The following PLEKHG5 variants were observed in gnomAD, a reference collection of about 807,000 sequenced individuals.
PLEKHG5 encodes the protein pleckstrin homology and RhoGEF domain containing G5.
Under a neutral mutation model 103.8 loss-of-function variants are expected in PLEKHG5, and 52 were observed. That is an observed-to-expected ratio of 0.50 (90% confidence interval 0.40 to 0.63). The LOEUF (loss-of-function observed/expected upper bound fraction) is 0.63, where lower values mean the gene tolerates loss of function less well. Ranked by LOEUF, PLEKHG5 falls within the 30% of genes least tolerant of loss-of-function variation. PLEKHG5 has a pLI of 0.00. For missense variants in PLEKHG5, 1,205 were observed against 1,347.6 expected, an observed-to-expected ratio of 0.89 and a Z score of 1.66; for synonymous variants, 592 against 575.5, an observed-to-expected ratio of 1.03 and a Z score of -0.41.
chr1:6,497,391 A>G, upstream of PLEKHG5: 1 of 1,050,228 alleles, frequency 9.5e-7, no homozygotes, highest in South Asian at 4.6e-5. This position sits in a 1 kb window ranked among gnomAD's most constrained non-coding sequence, Gnocchi z 6.1. Flanking sequence ...GGGGACTGGG[A>G]GGCCGCAGAG....
chr1:6,475,844 G>T, intron 3 of PLEKHG5, 87 bp downstream of exon 3: 1 of 1,117,858 alleles, frequency 8.9e-7, no homozygotes, highest in Admixed American at 1.7e-5. Flanking sequence ...TGAGGAAGGC[G>T]CCAGAGCATC....
At position 6,468,485 on chromosome 1, in the gene PLEKHG5, G is replaced by A. The variant is rs1264365732; in HGVS notation, c.2351C>T (p.Ser784Phe). 1.2e-6 allele frequency: 2 copies of A among 1,613,152 alleles called. No individual in the cohort carries two copies. Among genetic ancestry groups the A allele is most frequent in the Non-Finnish European group, 1.7e-6 (2 of 1,179,972 alleles). The stretch of plus-strand genomic sequence containing the variant: ...AGTGGTGCTGAGAGAGGTCTCATCA[G>A]ACTGGGAGCTGAAAGGACCGCTGTC... ...EFDSGPFSSQ[S>F]DETSLSTTAS... Residue 784 changes from serine to phenylalanine, a missense_variant, in exon 20 of 21, where the codon TCT becomes TTT. Transcript: ENST00000377728.
At chr1:6,513,056 C>G (rs1570007754) in intron 1 of PLEKHG5, among the ~76,000 whole-genome samples, 2 of 152,338 alleles carry the variant, frequency 1.3e-5, no homozygotes, top group South Asian at 4.1e-4. Flanking sequence ...CCCCGCCCAC[C>G]CACTGTTCCT....
chr1:6,477,795 C>T, intron 1 of PLEKHG5, 137 bp from the exon 2 acceptor site: 1 of 774,140 alleles, frequency 1.3e-6, no homozygotes. Flanking sequence ...CCCAGCAGTC[C>T]CCCCTCTCCC....
At chr1:6,472,057 G>A (rs967187726) in intron 10 of PLEKHG5, among the ~76,000 whole-genome samples, 4 of 152,240 alleles carry the variant, frequency 2.6e-5, no homozygotes, top group African/African-American at 9.6e-5. Context: ...AAGCTCGGGG[G>A]AGACTGGCTT....
intron 1 of PLEKHG5, among the ~76,000 whole-genome samples, chr1:6,515,364 A>G (rs569805686): frequency 5.3e-4 from 81 of 151,946 alleles, no homozygotes; most frequent in African/African-American, 1.9e-3. Flanking sequence ...CGTCTCTACT[A>G]CAAATACCAA....
At chr1:6,475,194 GCCCTCCTCCCCA>G (rs1450275525) in intron 4 of PLEKHG5, 56 bp from the exon 5 acceptor site, 21 of 650,348 alleles carry the variant, frequency 3.2e-5, no homozygotes, top group South Asian at 2.8e-4. Context: ...CCTCATTCCC[GCCCTCCTCCCCA>G]CCCTCCTTCC....
chr1:6,485,328 C>A, intron 1 of PLEKHG5: 2 of 1,425,620 alleles, frequency 1.4e-6, no homozygotes, highest in South Asian at 1.4e-5. Context: ...CCGTACCTGG[C>A]TATCACCGTC....
At chr1:6,477,011 G>A (rs1644781038) in intron 2 of PLEKHG5, among the ~76,000 whole-genome samples, 1 of 152,154 alleles carries the variant, frequency 6.6e-6, no homozygotes, top group Non-Finnish European at 1.5e-5. Context: ...AGGACTCGGG[G>A]GTTGGCATTT....
At chr1:6,518,500 T>C (rs907773480) in intron 1 of PLEKHG5, among the ~76,000 whole-genome samples, 3 of 143,694 alleles carry the variant, frequency 2.1e-5, no homozygotes, top group African/African-American at 7.8e-5. Context: ...GCGGAGCTTG[T>C]GGTGAGCCAT....
intron 1 of PLEKHG5, among the ~76,000 whole-genome samples, chr1:6,518,052 C>T (rs12140312): frequency 0.94 from 142,976 of 151,680 alleles, 67,937 homozygotes; most frequent in Non-Finnish European, 1. Context: ...CCTGCCTCAG[C>T]CTCCCGAGTA....
chr1:6,496,141 G>C (rs1645220348), upstream of PLEKHG5, among the ~76,000 whole-genome samples: 1 of 152,240 alleles, frequency 6.6e-6, no homozygotes, highest in African/African-American at 2.4e-5. Context: ...CACTGGACCA[G>C]CACCGTGGGA....
Position 6,474,063 on chromosome 1 carries a change from C to CG in PLEKHG5, c.540dup (p.Ala181ArgfsTer117). ...CTCTGGGCGTCCACACGCTCCAGGG[C>CG]GGGGGGCCCGGTCCCAGCTGGCCGC... On this transcript the variant is annotated frameshift_variant, in exon 7 of 21. Transcript: ENST00000377728. LOFTEE classifies it high-confidence loss of function. 6.2e-7 allele frequency: 1 copy of CG among 1,610,210 alleles called. No homozygotes were observed. Among genetic ancestry groups the CG allele is most frequent in the East Asian group, 2.2e-5 (1 of 44,708 alleles).
At chr1:6,497,224 C>A (rs1374767420), upstream of PLEKHG5, 15 of 868,054 alleles carry the variant, frequency 1.7e-5, no homozygotes, top group African/African-American at 2.3e-4. The surrounding 1 kb of genome is among the most constrained non-coding windows in gnomAD (Gnocchi z 6.1). Flanking sequence ...GCGCCCACCC[C>A]CTTGCCTGGA....
rs1645045728 is a variant in PLEKHG5, at chr1:6,486,691, G to A, written c.-88+4946C>T. On this transcript the variant is annotated intron_variant, in intron 1 of 20. Coordinates refer to ENST00000377728, the MANE Select transcript of PLEKHG5 (RefSeq NM_020631.6). This position sits in a 1 kb window ranked among gnomAD's most constrained non-coding sequence, Gnocchi z 5.3. Reference sequence around the variant, plus strand: ...AGAGGACGCAAACGCCCAGACTCTGGTGCTGGAGTCACCACTACACGGCTG... The same window carrying A: ...AGAGGACGCAAACGCCCAGACTCTGATGCTGGAGTCACCACTACACGGCTG... Among the ~76,000 whole-genome samples the A allele has an allele frequency of 6.6e-6, 1 of 152,220 alleles. No homozygotes were observed. The highest frequency in any genetic ancestry group is 2.1e-4 in the South Asian group (1 of 4,828).
chr1:6,469,395 C>T lies in PLEKHG5; in HGVS notation c.1989G>A (p.Thr663=), dbSNP rs775819026. The T allele has an allele frequency of 2.2e-5, 35 of 1,614,028 alleles. No homozygotes were observed. Among genetic ancestry groups the T allele is most frequent in the African/African-American group, 5.3e-5 (4 of 74,924 alleles). The change falls in exon 18 of 21, where the codon ACG becomes ACA. Residue 663 remains threonine (T), a synonymous_variant. Coordinates refer to ENST00000377728, the MANE Select transcript of PLEKHG5 (RefSeq NM_020631.6). The stretch of plus-strand genomic sequence containing the variant: ...ACAAGGCCTGGCCACTGGCCTGGAA[C>T]GTGTAGGCCCCTACAGCACTGTGAA... ...NEFHSAVGAY[T]FQASGQALCR...
chr1:6,513,463 CG>C (rs1638531082), intron 1 of PLEKHG5, among the ~76,000 whole-genome samples: 1 of 152,184 alleles, frequency 6.6e-6, no homozygotes, highest in South Asian at 2.1e-4. Context: ...TGCCACCTGC[CG>C]GGGATTTTTC....
At chr1:6,510,563 C>A (rs1388488310) in intron 1 of PLEKHG5, among the ~76,000 whole-genome samples, 3 of 152,016 alleles carry the variant, frequency 2.0e-5, no homozygotes, top group Non-Finnish European at 4.4e-5. Context: ...GCAATCTAGC[C>A]TGGGTGACAG....
upstream of PLEKHG5, among the ~76,000 whole-genome samples, chr1:6,499,352 G>A (rs577302163): frequency 4.8e-4 from 73 of 152,244 alleles, no homozygotes; most frequent in South Asian, 3.7e-3. Flanking sequence ...CCTTTGCCTG[G>A]TACTTCCTGG....
Sources: gnomAD v4.1 joint callset for allele counts (sites outside exome capture counted in the v4.1 genomes callset) on GRCh38, gnomAD v4.1.1 for gene constraint, Gnocchi (gnomAD v3.1) non-coding constraint, MANE v1.5 for transcripts, NCBI Gene and HGNC (gene_info 2026-07-23, HGNC 2026-07-21) for gene names.